Variants in NKAIN3 observed in about 807,000 individuals in gnomAD.
NKAIN3 encodes the protein sodium/potassium transporting ATPase interacting 3, also known as sodium/potassium-transporting ATPase subunit beta-1-interacting protein 3.
A neutral mutation model predicts 30.2 loss-of-function variants in NKAIN3; 25 were observed. The observed-to-expected ratio is 0.83, with a 90% CI of 0.60 to 1.16. The LOEUF (loss-of-function observed/expected upper bound fraction) is 1.16, where lower values mean the gene tolerates loss of function less well. Ranked by LOEUF, NKAIN3 falls within the 50% of genes most tolerant of loss-of-function variation. NKAIN3 has a pLI of 0.00. For missense variants in NKAIN3, 225 were observed against 254.1 expected (o/e 0.89, Z 0.78); for synonymous variants, 91 against 89.6 (o/e 1.02, Z -0.09).
chr8:62,438,346 T>C (rs1007230925), intron 1 of NKAIN3, among the ~76,000 whole-genome samples: 2 of 152,206 alleles, frequency 1.3e-5, no homozygotes, highest in South Asian at 4.1e-4. Flanking sequence ...GAAATTTGTA[T>C]GCTAAAATCA....
chr8:62,814,398 A>G (rs1198535505), intron 4 of NKAIN3, among the ~76,000 whole-genome samples: 2 of 151,914 alleles, frequency 1.3e-5, no homozygotes, highest in African/African-American at 2.4e-5. Flanking sequence ...ATATCTACAG[A>G]ACTCTCCACC....
intron 1 of NKAIN3, among the ~76,000 whole-genome samples, chr8:62,442,873 T>G (rs1050497319): frequency 6.6e-6 from 1 of 151,980 alleles, no homozygotes; most frequent in African/African-American, 2.4e-5. Flanking sequence ...GATACAAATA[T>G]GTCCATTTTT....
chr8:62,562,360 G>A (rs990930692), intron 1 of NKAIN3, among the ~76,000 whole-genome samples: 12 of 152,084 alleles, frequency 7.9e-5, no homozygotes, highest in African/African-American at 1.7e-4. Context: ...GACGAAGACC[G>A]TTTCACCAGG....
At chr8:62,743,403 G>A (rs558858501) in intron 3 of NKAIN3, among the ~76,000 whole-genome samples, 8 of 152,210 alleles carry the variant, frequency 5.3e-5, no homozygotes, top group South Asian at 2.1e-4. Context: ...TTTCCCCGTT[G>A]AAAGGGTCAC....
intron 1 of NKAIN3, among the ~76,000 whole-genome samples, chr8:62,556,558 A>C (rs1416944146): frequency 6.6e-6 from 1 of 151,950 alleles, no homozygotes; most frequent in African/African-American, 2.4e-5. Context: ...AAATAAGTCC[A>C]GCTATATAAT....
chr8:62,600,961 G>A (rs1005099901), intron 3 of NKAIN3, among the ~76,000 whole-genome samples: 1 of 151,954 alleles, frequency 6.6e-6, no homozygotes, highest in African/African-American at 2.4e-5. Flanking sequence ...TTCCTTCAAG[G>A]TTGGATTCTT....
intron 3 of NKAIN3, among the ~76,000 whole-genome samples, chr8:62,608,532 A>G (rs1811194669): frequency 6.6e-6 from 1 of 152,194 alleles, no homozygotes; most frequent in South Asian, 2.1e-4. Context: ...CGTCTATGGC[A>G]AACGATACTC....
At chr8:62,893,667 C>CATGT (rs1288816649) in intron 4 of NKAIN3, among the ~76,000 whole-genome samples, 3 of 120,488 alleles carry the variant, frequency 2.5e-5, no homozygotes, top group Admixed American at 7.8e-5. Context: ...TGTGTGCGTG[C>CATGT]ACACATATGC....
At chr8:62,576,267 T>TA (rs974175142) in intron 1 of NKAIN3, among the ~76,000 whole-genome samples, 1 of 152,174 alleles carries the variant, frequency 6.6e-6, no homozygotes, top group African/African-American at 2.4e-5. Context: ...ACATCTCTAT[T>TA]AAAAAATCTA....
chr8:62,609,274 A>T (rs924358513), intron 3 of NKAIN3, among the ~76,000 whole-genome samples: 30 of 152,198 alleles, frequency 2.0e-4, no homozygotes, highest in African/African-American at 7.0e-4. Flanking sequence ...GCTTTACAGA[A>T]CATGACAGCA....
At chr8:62,960,567 G>T (rs1486867949) in intron 6 of NKAIN3, among the ~76,000 whole-genome samples, 3 of 151,522 alleles carry the variant, frequency 2.0e-5, no homozygotes, top group Non-Finnish European at 4.4e-5. Flanking sequence ...CCAAGAGAAA[G>T]TATCCTCTGA....
intron 1 of NKAIN3, among the ~76,000 whole-genome samples, chr8:62,533,490 C>T (rs535889654): frequency 2.7e-5 from 1 of 37,104 alleles, no homozygotes; most frequent in East Asian, 3.9e-4. Flanking sequence ...CTCATCTTCT[C>T]ACCCCACCTC....
rs529848866 is a variant in NKAIN3, at chr8:62,282,912, A to G, written c.54+33785A>G. ...CTTCTCCTCATTACTGTACTATGTA[A>G]CACTAGATGCGCATTATAGTCCACA... On this transcript the variant is annotated intron_variant, in intron 1 of 6. Transcript: ENST00000623646. Among the ~76,000 whole-genome samples the G allele has an allele frequency of 5.3e-5, 8 of 152,250 alleles. No individual in the cohort carries two copies. In the South Asian group the frequency reaches 6.2e-4, roughly 12 times the overall value.
At chr8:62,519,781 C>T (rs1019288261) in intron 1 of NKAIN3, among the ~76,000 whole-genome samples, 1 of 152,092 alleles carries the variant, frequency 6.6e-6, no homozygotes, top group South Asian at 2.1e-4. Context: ...TTCAAAATAG[C>T]TTTCTAAGTT....
rs147113270 is a variant in NKAIN3 at position 62,304,487 on chromosome 8, G to A, written c.54+55360G>A. On this transcript the variant is annotated intron_variant, in intron 1 of 6. Coordinates refer to ENST00000623646, the MANE Select transcript of NKAIN3 (RefSeq NM_001304533.3). The stretch of plus-strand genomic sequence containing the variant: ...TTTTGGGGGAATAATGTGATATTTC[G>A]ATACATGAAACAATGTGTAAATGGT... 1.1e-4 allele frequency among the ~76,000 whole-genome samples: 16 copies of A among 150,404 alleles called. No homozygotes were observed. The East Asian group carries it at 1.2e-3, about 11-fold the overall frequency.
intron 4 of NKAIN3, among the ~76,000 whole-genome samples, chr8:62,883,732 T>A (rs1586308449): frequency 6.6e-6 from 1 of 152,016 alleles, no homozygotes; most frequent in Non-Finnish European, 1.5e-5. Context: ...GTTTCCAAGT[T>A]AATTGATTTT....
At chr8:62,327,789 T>A (rs373257882) in intron 1 of NKAIN3, among the ~76,000 whole-genome samples, 2 of 152,114 alleles carry the variant, frequency 1.3e-5, no homozygotes, top group East Asian at 3.9e-4. Context: ...AGATTCCATA[T>A]GAATTTTAAT....
At chr8:62,856,686 C>T (rs926773470) in intron 4 of NKAIN3, 4 of 754,540 alleles carry the variant, frequency 5.3e-6, no homozygotes, top group African/African-American at 1.7e-5. Context: ...AGATCTGTGG[C>T]CCATCAGGTC....
At chr8:62,933,300 C>T (rs768101112) in intron 5 of NKAIN3, among the ~76,000 whole-genome samples, 7 of 151,938 alleles carry the variant, frequency 4.6e-5, no homozygotes, top group African/African-American at 7.3e-5. Context: ...TATTTCAAAA[C>T]GGAAATGTCC....
Sources: gnomAD v4.1 joint callset for allele counts (sites outside exome capture counted in the v4.1 genomes callset) on GRCh38, gnomAD v4.1.1 for gene constraint, MANE v1.5 for transcripts, NCBI Gene and HGNC (gene_info 2026-07-23, HGNC 2026-07-21) for gene names.